Variants in TMCO5A observed in about 807,000 individuals in gnomAD.
The protein encoded by TMCO5A is transmembrane and coiled-coil domains 5A, also known as transmembrane and coiled-coil domain-containing protein 5A.
In TMCO5A, 34 loss-of-function variants were observed where a neutral mutation model predicts 42.3. That is an observed-to-expected ratio of 0.80 (90% CI 0.61 to 1.07). The LOEUF (loss-of-function observed/expected upper bound fraction) is 1.07. TMCO5A is among the 50% of genes least tolerant of loss of function. The pLI is 0.00. For missense variants in TMCO5A, 357 were observed against 327.9 expected (o/e 1.09, Z -0.69); for synonymous variants, 131 against 115.6 (o/e 1.13, Z -0.86).
chr15:37,990,232 CT>C, the TMCO5A span, among the ~76,000 whole-genome samples: 4 of 152,020 alleles, frequency 2.6e-5, no homozygotes, highest in African/African-American at 9.7e-5. Flanking sequence ...CTATTAAAGT[CT>C]TCAACAATTA....
chr15:37,936,592 C>A (rs1889521288), intron 3 of TMCO5A, 129 bp downstream of exon 3: 2 of 1,235,778 alleles, frequency 1.6e-6, no homozygotes, highest in Admixed American at 2.5e-5. Context: ...ATTTTTCATT[C>A]TTTGACATTT....
At chr15:37,936,239 A>C in intron 2 of TMCO5A, 75 bp from the exon 3 acceptor site, 1 of 1,521,270 alleles carries the variant, frequency 6.6e-7, no homozygotes, top group Non-Finnish European at 8.8e-7. Flanking sequence ...ATGTGTTCTA[A>C]ATACCCTTTT....
chr15:37,941,185 C>G lies in TMCO5A; in HGVS notation c.424C>G (p.Gln142Glu). Residue 142 changes from glutamine (Q) to glutamate (E), a missense_variant, in exon 7 of 12, where the codon CAA (glutamine) becomes GAA (glutamate). Coordinates refer to ENST00000319669, the MANE Select transcript of TMCO5A (RefSeq NM_152453.4). ...ACAGCTGGAAGCTTCCTATGCATGC[C>G]AAGAGAAGGAGCTGCTCAAGGTAAC... Reference protein sequence around the residue: ...LQQLEASYACQEKELLKVMKE... With the variant: ...LQQLEASYACEEKELLKVMKE... 1 of 1,613,174 alleles carries G rather than the reference C, an allele frequency of 6.2e-7. No individual in the cohort carries two copies.
At chr15:37,960,152 AT>A (rs375455765) in intron 11 of TMCO5A, among the ~76,000 whole-genome samples, 2,249 of 151,552 alleles carry the variant, frequency 0.015, 49 homozygotes, top group African/African-American at 0.048. Flanking sequence ...TTTTTAAAAT[AT>A]TTTTTTCCCT....
At chr15:37,986,063 T>C in the TMCO5A span, among the ~76,000 whole-genome samples, 2 of 152,032 alleles carry the variant, frequency 1.3e-5, no homozygotes, top group African/African-American at 2.4e-5. Flanking sequence ...TCTAGAGAAG[T>C]TGGGTTACAC....
At chr15:38,032,716 C>T in the TMCO5A span, among the ~76,000 whole-genome samples, 1 of 152,154 alleles carries the variant, frequency 6.6e-6, no homozygotes, top group African/African-American at 2.4e-5. Flanking sequence ...CAGAGGACTG[C>T]TCAGCAAACC....
chr15:37,976,793 C>CTTTTTTTTTTTTTTTTT, the TMCO5A span, among the ~76,000 whole-genome samples: 17 of 116,836 alleles, frequency 1.5e-4, no homozygotes, highest in East Asian at 2.4e-4. Flanking sequence ...TTTCTTCTTT[C>CTTTTTTTTTTTTTTTTT]TTTTTTTTTT....
chr15:37,979,722 C>T, the TMCO5A span, among the ~76,000 whole-genome samples: 8 of 151,950 alleles, frequency 5.3e-5, no homozygotes, highest in African/African-American at 1.9e-4. Context: ...TCCCAAGCCT[C>T]AGGGCAGCAA....
chr15:37,935,753 G>T (rs1247530817), intron 2 of TMCO5A, among the ~76,000 whole-genome samples: 1 of 152,056 alleles, frequency 6.6e-6, no homozygotes, highest in Admixed American at 6.6e-5. Flanking sequence ...ATGTGGGTGT[G>T]CTCAATGGAA....
At chr15:37,980,976 T>C in the TMCO5A span, among the ~76,000 whole-genome samples, 19 of 152,170 alleles carry the variant, frequency 1.2e-4, no homozygotes, top group African/African-American at 4.3e-4. Flanking sequence ...ATCACTCTAT[T>C]TTCTCTGCTG....
intron 5 of TMCO5A, 96 bp from the exon 6 acceptor site, chr15:37,938,062 G>A: frequency 9.7e-7 from 1 of 1,030,736 alleles, no homozygotes; most frequent in Non-Finnish European, 1.4e-6. Context: ...TCCTGGAAAG[G>A]TTTATAAAGG....
chr15:37,975,098 CA>C, the TMCO5A span, among the ~76,000 whole-genome samples: 4 of 152,000 alleles, frequency 2.6e-5, no homozygotes, highest in Non-Finnish European at 5.9e-5. Context: ...TACTGTGATC[CA>C]AGAGTGTGTT....
chr15:38,010,164 G>C, the TMCO5A span, among the ~76,000 whole-genome samples: 1 of 151,838 alleles, frequency 6.6e-6, no homozygotes, highest in Non-Finnish European at 1.5e-5. Context: ...ACGAGGTCAG[G>C]AGATCGAGAC....
chr15:38,037,228 A>T, the TMCO5A span, among the ~76,000 whole-genome samples: 6 of 152,222 alleles, frequency 3.9e-5, no homozygotes, highest in African/African-American at 1.4e-4. Flanking sequence ...TGCAGCCTAT[A>T]TTTAAGAGGA....
the TMCO5A span, among the ~76,000 whole-genome samples, chr15:37,997,863 G>A: frequency 7.9e-5 from 12 of 151,956 alleles, no homozygotes; most frequent in South Asian, 2.1e-4. Flanking sequence ...CCATATAATC[G>A]CCAGCATTTG....
the TMCO5A span, among the ~76,000 whole-genome samples, chr15:37,983,398 C>T: frequency 5.3e-5 from 8 of 152,156 alleles, no homozygotes; most frequent in African/African-American, 1.9e-4. Context: ...GTATCTGGCC[C>T]CAAAGCTTGG....
downstream of TMCO5A, among the ~76,000 whole-genome samples, chr15:37,956,256 T>C (rs905694901): frequency 1.3e-5 from 2 of 151,762 alleles, no homozygotes; most frequent in African/African-American, 4.8e-5. Flanking sequence ...AGAACAGAAC[T>C]GAAGGAGATA....
At chr15:38,026,243 AC>A in the TMCO5A span, among the ~76,000 whole-genome samples, 1 of 152,192 alleles carries the variant, frequency 6.6e-6, no homozygotes, top group Non-Finnish European at 1.5e-5. Context: ...AATGGCTTTG[AC>A]CAAAAACCTG....
In TMCO5A at chr15:37,965,538, T is replaced by A. The variant is rs143810433; in HGVS notation, c.669-1087T>A. On this transcript the variant is annotated intron_variant, in intron 11 of 11. Coordinates refer to the TMCO5A transcript ENST00000559502. The stretch of plus-strand genomic sequence containing the variant: ...ACAAGGGATTAATAACCAGGGTATA[T>A]AAGGAGCTCAAACAACTTTATAGGA... Among the ~76,000 whole-genome samples, 961 of 152,228 alleles carry A rather than the reference T, an allele frequency of 6.3e-3. 8 individuals carry two copies. Among genetic ancestry groups the A allele is most frequent in the African/African-American group, 0.022 (905 of 41,566 alleles).
Sources: allele counts gnomAD v4.1 joint callset (sites outside exome capture counted in the v4.1 genomes callset), GRCh38; gene constraint gnomAD v4.1.1; transcripts MANE v1.5; gene names NCBI Gene and HGNC (gene_info 2026-07-23, HGNC 2026-07-21).